The following SLC7A2 variants were observed in gnomAD, a reference collection of about 807,000 sequenced individuals.
SLC7A2 encodes the protein cationic amino acid transporter 2.
SLC7A2 carries 48 observed loss-of-function variants against 58.9 expected under a neutral mutation model. The observed-to-expected ratio is 0.82, with a 90% CI of 0.65 to 1.04. SLC7A2 has a LOEUF of 1.04. Among genes scored for constraint, SLC7A2 ranks in the 50% least tolerant of loss-of-function variants. SLC7A2 has a pLI of 0.00. For synonymous variants in SLC7A2, 363 were observed against 314.5 expected, an observed-to-expected ratio of 1.15 and a Z score of -1.63; for missense variants, 1,029 against 818.8, an observed-to-expected ratio of 1.26 and a Z score of -3.13.
chr8:17,525,038 C>T (rs529445118), intron 2 of SLC7A2, among the ~76,000 whole-genome samples: 14 of 152,256 alleles, frequency 9.2e-5, no homozygotes, highest in South Asian at 2.1e-4. Flanking sequence ...TAACACAGAA[C>T]CATTTTTCCA....
chr8:17,523,026 C>T (rs184787789), intron 2 of SLC7A2, among the ~76,000 whole-genome samples: 11 of 151,816 alleles, frequency 7.2e-5, no homozygotes, highest in African/African-American at 2.4e-4. Flanking sequence ...CAGAGGGAGA[C>T]CCTGTATCAA....
chr8:17,557,597 G>A (rs190235735), intron 8 of SLC7A2, among the ~76,000 whole-genome samples: 7 of 152,318 alleles, frequency 4.6e-5, no homozygotes, highest in South Asian at 2.1e-4. Flanking sequence ...TTGGGAGGCC[G>A]AGGCCAGTGG....
At chr8:17,536,255 A>G (rs1801660981) in intron 2 of SLC7A2, among the ~76,000 whole-genome samples, 1 of 152,058 alleles carries the variant, frequency 6.6e-6, no homozygotes, top group Non-Finnish European at 1.5e-5. Context: ...GATTGGTTGT[A>G]TGTATGTCTA....
intron 8 of SLC7A2, among the ~76,000 whole-genome samples, chr8:17,555,509 G>A (rs377721800): frequency 6.6e-6 from 1 of 151,926 alleles, no homozygotes; most frequent in Non-Finnish European, 1.5e-5. Flanking sequence ...TAGGATATAC[G>A]TCGAATATTG....
chr8:17,508,193 A>C (rs746382151), intron 2 of SLC7A2, among the ~76,000 whole-genome samples: 5 of 152,158 alleles, frequency 3.3e-5, no homozygotes, highest in Admixed American at 6.5e-5. Flanking sequence ...AAAAGAGCAG[A>C]CTTGGCAGAA....
intron 4 of SLC7A2, among the ~76,000 whole-genome samples, chr8:17,548,344 A>G (rs1025597226): frequency 9.2e-5 from 14 of 152,234 alleles, no homozygotes; most frequent in African/African-American, 3.4e-4. Context: ...CTGTCTCAAA[A>G]AAAGAAAAAA....
chr8:17,517,001 G>T, intron 2 of SLC7A2, among the ~76,000 whole-genome samples: 1 of 152,190 alleles, frequency 6.6e-6, no homozygotes, highest in East Asian at 1.9e-4. Context: ...TGAAATAGGG[G>T]ACAGAAAAGT....
In SLC7A2 at chr8:17,568,505, T is replaced by G. The variant is rs756714089; in HGVS notation, c.*3359T>G. 1.3e-5 allele frequency: 2 copies of G among 152,152 alleles called. No homozygotes were observed. Among genetic ancestry groups the G allele is most frequent in the Non-Finnish European group, 2.9e-5 (2 of 68,040 alleles). The allele number at this position is 152,152 out of a possible 1,614,324, so 9.4% of individuals were successfully genotyped here. ...AGAACTTTACCATCACCAGCCGTAG[T>G]TGATAGAAAATATTAGTTTCAGAAT... On this transcript the variant is annotated 3_prime_UTR_variant, in exon 13 of 13. Coordinates refer to ENST00000494857, the MANE Select transcript of SLC7A2 (RefSeq NM_001370338.1).
intron 2 of SLC7A2, among the ~76,000 whole-genome samples, chr8:17,538,080 T>C (rs1801750361): frequency 6.6e-6 from 1 of 152,214 alleles, no homozygotes; most frequent in Admixed American, 6.5e-5. Context: ...ATCAGCCCTT[T>C]ATTTGTTGAA....
In SLC7A2 at chr8:17,563,716, G is replaced by A. The variant is rs1437074808; in HGVS notation, c.1780+5G>A. ...TCAGCATTTGGATGGCAATTGGTAGGTCTTTTAATGTCGGGTTCTCTTTCC... is the reference window on the plus strand; with the variant it reads ...TCAGCATTTGGATGGCAATTGGTAGATCTTTTAATGTCGGGTTCTCTTTCC... On this transcript the variant is annotated splice_donor_5th_base_variant and intron_variant, in intron 12 of 12. Coordinates refer to ENST00000494857, the MANE Select transcript of SLC7A2 (RefSeq NM_001370338.1). The A allele has an allele frequency of 6.7e-7, 1 of 1,485,306 alleles. No homozygotes were observed. 92.0% of individuals were successfully genotyped at this position (1,485,306 alleles called of 1,614,324 possible).
rs968292718 is a variant in SLC7A2 at position 17,565,658 on chromosome 8, G to A, written c.*512G>A. The A allele has an allele frequency of 1.3e-5, 2 of 152,666 alleles. No individual in the cohort carries two copies. Among genetic ancestry groups the A allele is most frequent in the African/African-American group, 4.8e-5 (2 of 41,458 alleles). 9.5% of individuals were successfully genotyped at this position (152,666 alleles called of 1,614,324 possible). ...CAAAAATGCAGTTACTCATCATGGT[G>A]TCTGTCACTGGTTAGGGGTAAGATG... On this transcript the variant is annotated 3_prime_UTR_variant, in exon 13 of 13. Coordinates refer to ENST00000494857, the MANE Select transcript of SLC7A2 (RefSeq NM_001370338.1).
intron 2 of SLC7A2, among the ~76,000 whole-genome samples, chr8:17,517,099 C>G (rs1585197202): frequency 1.3e-5 from 2 of 152,296 alleles, no homozygotes; most frequent in South Asian, 4.1e-4. Flanking sequence ...GATCCAATAT[C>G]TCTGCTCACT....
At chr8:17,540,875 T>C (rs1801882870) in intron 2 of SLC7A2, among the ~76,000 whole-genome samples, 1 of 152,210 alleles carries the variant, frequency 6.6e-6, no homozygotes, top group African/African-American at 2.4e-5. Flanking sequence ...TTTCCTTGCT[T>C]CCTTCCAGAT....
intron 4 of SLC7A2, among the ~76,000 whole-genome samples, chr8:17,544,878 C>G (rs759495181): frequency 6.6e-6 from 1 of 152,098 alleles, no homozygotes; most frequent in Non-Finnish European, 1.5e-5. Flanking sequence ...TTTTTTAAAT[C>G]GTTAATTGCA....
At chr8:17,504,976 AAAG>A (rs1162714729) in intron 2 of SLC7A2, among the ~76,000 whole-genome samples, 3 of 152,256 alleles carry the variant, frequency 2.0e-5, no homozygotes, top group South Asian at 4.1e-4. Context: ...CCTCTGTGGG[AAAG>A]AAGAACTCTA....
At position 17,554,664 on chromosome 8, in the gene SLC7A2, C is replaced by T; in HGVS notation, c.1160C>T (p.Pro387Leu). The T allele has an allele frequency of 1.9e-6, 3 of 1,612,514 alleles. No homozygotes were observed. The highest frequency in any genetic ancestry group is 2.5e-6 in the Non-Finnish European group (3 of 1,179,592). ...LAQINSKTKT[P>L]IIATLSSGAV... is the part of the protein sequence containing the mutation. ...CAAATCAATTCCAAAACGAAGACAC[C>T]AATAATTGCTACTTTATCATCGGGT... The change falls in exon 8 of 13, where the codon CCA becomes CTA. Residue 387 changes from proline to leucine, a missense_variant. Transcript: ENST00000494857.
chr8:17,548,814 G>A lies in SLC7A2; in HGVS notation c.669G>A (p.Glu223=). The stretch of plus-strand genomic sequence containing the variant: ...TGGCAAACTGGAAGATTAGTGAAGA[G>A]TTTCTCAAAAATATATCAGCAAGTG... The part of the protein sequence containing the change: ...GNVANWKISE[E]FLKNISASAR... Residue 223 remains glutamate (E), a synonymous_variant, in exon 5 of 13, where the codon GAG becomes GAA. Coordinates refer to ENST00000494857, the MANE Select transcript of SLC7A2 (RefSeq NM_001370338.1). 6.2e-7 allele frequency: 1 copy of A among 1,610,908 alleles called. No individual in the cohort carries two copies. The highest frequency in any genetic ancestry group is 1.7e-4 in the Middle Eastern group (1 of 6,056).
intron 2 of SLC7A2, among the ~76,000 whole-genome samples, chr8:17,502,792 C>G (rs1202755549): frequency 1.3e-5 from 2 of 152,128 alleles, no homozygotes; most frequent in African/African-American, 2.4e-5. Flanking sequence ...ACCTCAGGTG[C>G]TCCAAATTCT....
chr8:17,569,885 G>C lies in SLC7A2; in HGVS notation c.*4739G>C, dbSNP rs1803434268. The C allele has an allele frequency of 6.6e-6, 1 of 152,194 alleles. No homozygotes were observed. Among genetic ancestry groups the C allele is most frequent in the African/African-American group, 2.4e-5 (1 of 41,440 alleles). 9.4% of individuals were successfully genotyped at this position (152,194 alleles called of 1,614,324 possible). ...GGGCCCCAGGCTGGTTCCAGGATCAGGCAGCCTATAGAGTGTGAGCATCTA... is the reference window on the plus strand; with the variant it reads ...GGGCCCCAGGCTGGTTCCAGGATCACGCAGCCTATAGAGTGTGAGCATCTA... On this transcript the variant is annotated 3_prime_UTR_variant, in exon 13 of 13. Transcript: ENST00000494857.
Sources: gnomAD v4.1 joint callset for allele counts (sites outside exome capture counted in the v4.1 genomes callset) on GRCh38, gnomAD v4.1.1 for gene constraint, MANE v1.5 for transcripts, NCBI Gene and HGNC (gene_info 2026-07-23, HGNC 2026-07-21) for gene names.